The following KCNIP4 variants were observed in gnomAD, a reference collection of about 807,000 sequenced individuals.
KCNIP4 encodes potassium voltage-gated channel interacting protein 4.
KCNIP4 carries 12 observed loss-of-function variants against 34.0 expected under a neutral mutation model. The observed-to-expected ratio is 0.35, with a 90% CI of 0.23 to 0.57. KCNIP4 has a LOEUF of 0.57. Among genes scored for constraint, KCNIP4 ranks in the 20% least tolerant of loss-of-function variants. The pLI, the probability that KCNIP4 is intolerant of heterozygous loss-of-function variation, is 0.83. For synonymous variants in KCNIP4, 124 were observed against 102.2 expected (o/e 1.21, Z -1.29); for missense variants, 238 against 311.7 (o/e 0.76, Z 1.78).
chr4:21,501,903 C>T (rs546857740), intron 1 of KCNIP4, among the ~76,000 whole-genome samples: 71 of 151,850 alleles, frequency 4.7e-4, no homozygotes, highest in Non-Finnish European at 6.3e-4. Flanking sequence ...CTCTCTATCT[C>T]TCCATAGCTC....
intron 1 of KCNIP4, among the ~76,000 whole-genome samples, chr4:21,382,109 G>A (rs1465567225): frequency 3.3e-5 from 5 of 152,142 alleles, no homozygotes; most frequent in Admixed American, 6.6e-5. Context: ...ATGGATGGAC[G>A]AACAGATTTT....
chr4:21,798,320 G>A (rs1434610035), intron 1 of KCNIP4, among the ~76,000 whole-genome samples: 2 of 150,788 alleles, frequency 1.3e-5, no homozygotes, highest in Non-Finnish European at 3.0e-5. Context: ...AGGAGGCCGA[G>A]GTGGGAAGAT....
chr4:21,111,267 G>A (rs1364504865), intron 1 of KCNIP4, among the ~76,000 whole-genome samples: 1 of 150,534 alleles, frequency 6.6e-6, no homozygotes, highest in Non-Finnish European at 1.5e-5. Flanking sequence ...TTGGCTTTGA[G>A]TTTCAAATGG....
At chr4:20,805,362 C>G (rs1714948529) in intron 3 of KCNIP4, among the ~76,000 whole-genome samples, 1 of 151,662 alleles carries the variant, frequency 6.6e-6, no homozygotes, top group African/African-American at 2.4e-5. Flanking sequence ...GTTGCTGTTC[C>G]CTTTAATACT....
intron 1 of KCNIP4, among the ~76,000 whole-genome samples, chr4:20,973,201 GT>G (rs1025783855): frequency 6.6e-6 from 1 of 152,184 alleles, no homozygotes; most frequent in African/African-American, 2.4e-5. Context: ...TTGAAAATCT[GT>G]TTAGTGTACT....
At chr4:21,454,005 T>C (rs565615526) in intron 1 of KCNIP4, among the ~76,000 whole-genome samples, 2 of 152,032 alleles carry the variant, frequency 1.3e-5, no homozygotes, top group Non-Finnish European at 2.9e-5. Context: ...TGTGAAAGCA[T>C]TGGGATAATG....
chr4:21,069,649 T>G (rs1744718058), intron 1 of KCNIP4, among the ~76,000 whole-genome samples: 1 of 152,170 alleles, frequency 6.6e-6, no homozygotes, highest in Non-Finnish European at 1.5e-5. Context: ...GCCATAAGTA[T>G]ACCTCAGCTG....
At chr4:20,922,547 G>GTCTATCTATCTATCTATCTATCTA (rs1553916287) in intron 1 of KCNIP4, among the ~76,000 whole-genome samples, 4 of 129,448 alleles carry the variant, frequency 3.1e-5, no homozygotes, top group African/African-American at 1.1e-4. Flanking sequence ...CTGTCTGTCT[G>GTCTATCTATCTATCTATCTATCTA]TCTATCTATC....
At chr4:21,333,111 G>T (rs142036904) in intron 1 of KCNIP4, among the ~76,000 whole-genome samples, 1 of 151,892 alleles carries the variant, frequency 6.6e-6, no homozygotes, top group Non-Finnish European at 1.5e-5. Context: ...TCTTGAAATA[G>T]ATGTCCCTTC....
intron 1 of KCNIP4, among the ~76,000 whole-genome samples, chr4:20,969,676 A>G (rs569020768): frequency 6.6e-6 from 1 of 152,322 alleles, no homozygotes; most frequent in South Asian, 2.1e-4. Context: ...CTTCACACAC[A>G]GATAATTCAT....
At chr4:21,785,334 T>C (rs562743946) in intron 1 of KCNIP4, among the ~76,000 whole-genome samples, 1 of 151,710 alleles carries the variant, frequency 6.6e-6, no homozygotes, top group Non-Finnish European at 1.5e-5. Context: ...TTCACACCTG[T>C]AATCCCAGCA....
At position 21,383,433 on chromosome 4, in the gene KCNIP4, G is replaced by A. The variant is rs74799825; in HGVS notation, c.62-500724C>T. 7.4e-3 allele frequency among the ~76,000 whole-genome samples: 1,107 copies of A among 149,028 alleles called. 6 individuals are homozygous for A. Among genetic ancestry groups the A allele is most frequent in the Middle Eastern group, 0.025 (7 of 284 alleles). Reference sequence around the variant, plus strand: ...CTATGGGACACCTACCCTTAATTTCGGGGTCAGAAAATGATCACTGGAGAA... The same window carrying A: ...CTATGGGACACCTACCCTTAATTTCAGGGTCAGAAAATGATCACTGGAGAA... On this transcript the variant is annotated intron_variant, in intron 1 of 8. Coordinates refer to ENST00000382152, the MANE Select transcript of KCNIP4 (RefSeq NM_025221.6).
At chr4:20,874,341 G>A (rs1459738860) in intron 2 of KCNIP4, among the ~76,000 whole-genome samples, 1 of 152,038 alleles carries the variant, frequency 6.6e-6, no homozygotes. Context: ...AGCATTCACA[G>A]CACTTTACTT....
chr4:21,532,157 T>C (rs1346418876), intron 1 of KCNIP4, among the ~76,000 whole-genome samples: 1 of 152,168 alleles, frequency 6.6e-6, no homozygotes, highest in East Asian at 1.9e-4. Context: ...TATGTATATA[T>C]AAATGCAGAG....
chr4:21,416,979 C>T (rs577533228), intron 1 of KCNIP4, among the ~76,000 whole-genome samples: 2 of 152,250 alleles, frequency 1.3e-5, no homozygotes, highest in African/African-American at 4.8e-5. Context: ...ATTGTGTTCT[C>T]TTAAAGATAA....
At chr4:21,075,483 A>T (rs542528749) in intron 1 of KCNIP4, among the ~76,000 whole-genome samples, 142 of 150,232 alleles carry the variant, frequency 9.5e-4, no homozygotes, top group African/African-American at 3.2e-3. Context: ...TTTGTTTTCC[A>T]TTTGCTTGGT....
chr4:21,880,836 T>C (rs1192997155), intron 1 of KCNIP4, among the ~76,000 whole-genome samples: 2 of 152,210 alleles, frequency 1.3e-5, no homozygotes, highest in Non-Finnish European at 2.9e-5. Flanking sequence ...CCAGGAATGC[T>C]AACAATGTAT....
chr4:20,832,540 T>G (rs1718546369), intron 3 of KCNIP4, among the ~76,000 whole-genome samples: 1 of 152,182 alleles, frequency 6.6e-6, no homozygotes. Flanking sequence ...TATATTTTAT[T>G]GGTCATATTA....
rs549886920 is a variant in KCNIP4, at chr4:21,301,660, T to G, written c.62-418951A>C. On this transcript the variant is annotated intron_variant, in intron 1 of 8. Transcript: ENST00000382152. ...TTTTAAGAAAGTTTCAGAAGAAAAC[T>G]ATGAAGATGCTAGCTTGATAATAAA... 4.5e-4 allele frequency among the ~76,000 whole-genome samples: 69 copies of G among 152,250 alleles called. 2 individuals are homozygous for G. The South Asian group carries it at 0.013, about 29-fold the overall frequency.
Sources: gnomAD v4.1 joint callset for allele counts (sites outside exome capture counted in the v4.1 genomes callset) on GRCh38, gnomAD v4.1.1 for gene constraint, MANE v1.5 for transcripts, NCBI Gene and HGNC (gene_info 2026-07-23, HGNC 2026-07-21) for gene names.